TTC28: variants seen among roughly 807,000 people sequenced by gnomAD.
TTC28 encodes tetratricopeptide repeat domain 28, also known as tetratricopeptide repeat protein 28.
Under a neutral mutation model 198.0 loss-of-function variants are expected in TTC28, and 61 were observed. The ratio of observed to expected loss-of-function variants is 0.31; its 90% CI spans 0.25 to 0.38. The LOEUF is 0.38. Among genes scored for constraint, TTC28 ranks in the 10% least tolerant of loss-of-function variants. TTC28 has a pLI of 1.00. For missense variants in TTC28, 2,678 were observed against 3,164.0 expected (o/e 0.85, Z 3.69); for synonymous variants, 1,171 against 1,297.8 (o/e 0.90, Z 2.10).
At chr22:28,411,201 A>G (rs1181359070) in intron 2 of TTC28, among the ~76,000 whole-genome samples, 2 of 152,214 alleles carry the variant, frequency 1.3e-5, no homozygotes, top group Non-Finnish European at 2.9e-5. Context: ...AGATTAAAGC[A>G]GTGCATCTTT....
intron 12 of TTC28, among the ~76,000 whole-genome samples, chr22:28,077,029 T>G (rs1476076632): frequency 6.6e-6 from 1 of 152,196 alleles, no homozygotes; most frequent in Non-Finnish European, 1.5e-5. Context: ...TGTTTTAGAA[T>G]TTACTTTTTC....
At chr22:28,408,124 C>A (rs1278467102) in intron 2 of TTC28, among the ~76,000 whole-genome samples, 2 of 151,958 alleles carry the variant, frequency 1.3e-5, no homozygotes, top group Admixed American at 1.3e-4. Flanking sequence ...TAATAAGATA[C>A]TAGGAAGCCG....
chr22:28,412,163 G>C (rs997227764), intron 2 of TTC28, among the ~76,000 whole-genome samples: 2 of 152,212 alleles, frequency 1.3e-5, no homozygotes, highest in Admixed American at 6.5e-5. Flanking sequence ...ACTGCCTTCA[G>C]ATATCTGAAG....
At chr22:28,122,631 C>T (rs1942816796) in intron 6 of TTC28, among the ~76,000 whole-genome samples, 1 of 152,042 alleles carries the variant, frequency 6.6e-6, no homozygotes, top group Non-Finnish European at 1.5e-5. Context: ...ATTATATGCA[C>T]TGATTTCAAA....
At chr22:28,089,695 A>AAAG (rs1941749847) in intron 12 of TTC28, among the ~76,000 whole-genome samples, 1 of 149,678 alleles carries the variant, frequency 6.7e-6, no homozygotes, top group East Asian at 2.0e-4. Flanking sequence ...TAAAATAAAA[A>AAAG]ATAAAAAAAT....
chr22:28,082,179 T>A (rs1476633579), intron 12 of TTC28, among the ~76,000 whole-genome samples: 1 of 152,236 alleles, frequency 6.6e-6, no homozygotes, highest in Non-Finnish European at 1.5e-5. Flanking sequence ...TTTCTACATA[T>A]AAGATCATGT....
rs543666331 is a variant in TTC28 at position 28,197,340 on chromosome 22, T to C, written c.934-33741A>G. Among the ~76,000 whole-genome samples, 463 of 151,958 alleles carry C rather than the reference T, an allele frequency of 3.0e-3. 2 individuals are homozygous for C. The highest frequency in any genetic ancestry group is 4.9e-3 in the Non-Finnish European group (334 of 67,948). On this transcript the variant is annotated intron_variant, in intron 5 of 22. Transcript: ENST00000397906. ...TACCTAATGCTAAATGACGAGTTAC[T>C]GGGTGCAGCACACCAACATGGCACA...
At chr22:28,348,709 A>G (rs1308266586) in intron 2 of TTC28, among the ~76,000 whole-genome samples, 1 of 152,226 alleles carries the variant, frequency 6.6e-6, no homozygotes, top group Non-Finnish European at 1.5e-5. Context: ...GACTACTGCT[A>G]ACCAATCGAT....
intron 2 of TTC28, among the ~76,000 whole-genome samples, chr22:28,392,014 GT>G (rs1462074583): frequency 1.3e-5 from 2 of 152,296 alleles, no homozygotes; most frequent in South Asian, 2.1e-4. Context: ...GTACAGATGG[GT>G]TTTTGGTGTG....
rs570888826 is a variant in TTC28 at position 27,987,132 on chromosome 22, C to T, written c.5708-1776G>A. ...TGACAGGCCTACCGGACACCACTCT[C>T]CTCCCCGAGCTGTATGTCAAAAGGC... On this transcript the variant is annotated intron_variant, in intron 21 of 22. Transcript: ENST00000397906. Among the ~76,000 whole-genome samples, 8 of 152,322 alleles carry T rather than the reference C, an allele frequency of 5.3e-5. No homozygotes were observed. In the East Asian group the frequency reaches 1.2e-3, roughly 22 times the overall value.
intron 2 of TTC28, among the ~76,000 whole-genome samples, chr22:28,385,973 T>C (rs1239503922): frequency 6.6e-6 from 1 of 152,078 alleles, no homozygotes; most frequent in African/African-American, 2.4e-5. Flanking sequence ...CGAGTCCCAT[T>C]TTCTATAAGA....
At chr22:28,158,573 C>T (rs1329807147) in intron 6 of TTC28, among the ~76,000 whole-genome samples, 4 of 152,068 alleles carry the variant, frequency 2.6e-5, no homozygotes, top group Admixed American at 6.5e-5. Flanking sequence ...ACACACAGAC[C>T]AATGGAACAG....
chr22:28,546,932 T>C (rs866303288), intron 2 of TTC28, among the ~76,000 whole-genome samples: 1 of 152,082 alleles, frequency 6.6e-6, no homozygotes, highest in Admixed American at 6.6e-5. Context: ...AAATATGATC[T>C]ATAGTGACAG....
intron 12 of TTC28, among the ~76,000 whole-genome samples, chr22:28,058,993 T>C (rs563315630): frequency 6.6e-6 from 1 of 152,210 alleles, no homozygotes; most frequent in East Asian, 1.9e-4. Flanking sequence ...TCTCTTTCCT[T>C]AGCCAGTATC....
In TTC28 at chr22:28,296,299, C is replaced by G. The variant is rs2044893885; in HGVS notation, c.832G>C (p.Gly278Arg). ...GDQTGECRAH[G>R]NLGSAFFSKG... ...GAGAAGAATGCAGAGCCCAGATTCC[C>G]ATGAGCTCGGCATTCTCCTGTCTGG... is the stretch of plus-strand genomic sequence containing the variant. Residue 278 changes from glycine (G) to arginine (R), a missense_variant, in exon 5 of 23, where the codon GGG becomes CGG. By Grantham distance (125) the Gly-to-Arg change is moderately radical. Transcript: ENST00000397906. 3.2e-6 allele frequency: 5 copies of G among 1,547,914 alleles called. No individual in the cohort carries two copies. The East Asian group carries it at 1.2e-4, about 38-fold the overall frequency.
intron 13 of TTC28, among the ~76,000 whole-genome samples, chr22:28,018,644 T>C (rs1938476488): frequency 6.6e-6 from 1 of 152,150 alleles, no homozygotes; most frequent in South Asian, 2.1e-4. Context: ...CAGCCACATG[T>C]GGCTGGTCCC....
rs1367481154 is a variant in TTC28, at chr22:28,256,352, C to G, written c.933+39846G>C. ...AGGAGAATTGCTTGAACCCAGGAGG[C>G]AGAGGTTGCAGTGAGCCAAGATCAT... On this transcript the variant is annotated intron_variant, in intron 5 of 22. Transcript: ENST00000397906. 2.0e-5 allele frequency among the ~76,000 whole-genome samples: 3 copies of G among 147,402 alleles called. No individual in the cohort carries two copies. The Admixed American group carries it at 2.1e-4, about 10-fold the overall frequency.
At chr22:28,478,457 C>T (rs1314733893) in intron 2 of TTC28, among the ~76,000 whole-genome samples, 8 of 152,036 alleles carry the variant, frequency 5.3e-5, no homozygotes, top group African/African-American at 1.7e-4. Context: ...TGCAGTGAGC[C>T]GAGATCGCAC....
At position 28,170,859 on chromosome 22, in the gene TTC28, C is replaced by T. The variant is rs117513336; in HGVS notation, c.934-7260G>A. 3.8e-3 allele frequency among the ~76,000 whole-genome samples: 577 copies of T among 152,232 alleles called. 27 individuals carry two copies. In the East Asian group the frequency reaches 0.083, roughly 22 times the overall value. ...GGTCTCCATTAAGCCTCACCACCCC[C>T]TCTCAGGCTCACCCAGCTCTTCAAC... On this transcript the variant is annotated intron_variant, in intron 5 of 22. Coordinates refer to ENST00000397906, the MANE Select transcript of TTC28 (RefSeq NM_001145418.2).
Sources: allele counts gnomAD v4.1 joint callset (sites outside exome capture counted in the v4.1 genomes callset), GRCh38; gene constraint gnomAD v4.1.1; transcripts MANE v1.5; gene names NCBI Gene and HGNC (gene_info 2026-07-23, HGNC 2026-07-21).